The following ATP5F1A variants were observed in gnomAD, a reference collection of about 807,000 sequenced individuals.
The protein encoded by ATP5F1A is ATP synthase F1 subunit alpha.
ATP5F1A carries 24 observed loss-of-function variants against 57.4 expected under a neutral mutation model. The ratio of observed to expected loss-of-function variants is 0.42; its 90% CI spans 0.30 to 0.59. ATP5F1A has a LOEUF of 0.59. Among genes scored for constraint, ATP5F1A ranks in the 20% least tolerant of loss-of-function variants. The pLI is 0.19. For synonymous variants in ATP5F1A, 251 were observed against 255.5 expected (o/e 0.98, Z 0.17); for missense variants, 494 against 707.9 (o/e 0.70, Z 3.43).
Position 46,083,513 on chromosome 18 carries a change from C to G in ATP5F1A, c.*769G>C, listed in dbSNP as rs1856525197. 6.6e-6 allele frequency: 1 copy of G among 152,180 alleles called. No homozygotes were observed. The highest frequency in any genetic ancestry group is 1.5e-5 in the Non-Finnish European group (1 of 68,050). The allele number at this position is 152,180 out of a possible 1,614,324, so 9.4% of individuals were successfully genotyped here. ...TCTATCTTCTCAGCTTTTGTTCCAGCAATTTTTTCATTTCCCTGAGAATTT... is the reference window on the plus strand; with the variant it reads ...TCTATCTTCTCAGCTTTTGTTCCAGGAATTTTTTCATTTCCCTGAGAATTT... On this transcript the variant is annotated 3_prime_UTR_variant, in exon 12 of 12. Transcript: ENST00000398752.
rs760834242 is a variant in ATP5F1A, at chr18:46,086,194, C to T, written c.1348G>A (p.Gly450Ser). ...YREVAAFAQFGSDLDAATQQL... is the reference protein window; with the variant it reads ...YREVAAFAQFSSDLDAATQQL... ...TGAGTGGCAGCATCGAGGTCAGAAC[C>T]GAACTGGGCAAAAGCAGCAACCTCA... The change falls in exon 10 of 12, where the codon GGT (glycine) becomes AGT (serine). Residue 450 changes from glycine (G) to serine (S), a missense_variant. Transcript: ENST00000398752. 5 of 1,612,690 alleles carry T rather than the reference C, an allele frequency of 3.1e-6. No individual in the cohort carries two copies. Among genetic ancestry groups the T allele is most frequent in the African/African-American group, 1.3e-5 (1 of 74,954 alleles).
At chr18:46,086,981 C>T in intron 8 of ATP5F1A, 27 bp downstream of exon 8, 2 of 1,604,000 alleles carry the variant, frequency 1.2e-6, no homozygotes, top group Non-Finnish European at 1.7e-6. Context: ...TCTTTTTTAA[C>T]ATTTCTTTTA....
rs776215108 is a variant in ATP5F1A, at chr18:46,091,774, G to A, written c.217C>T (p.Arg73Cys). ...ATACCATCACCAATACTTAAGACAC[G>A]CCCAGTTTCTTCAAGATCAACAGAG... The part of the protein sequence containing the change: ...DTSVDLEETG[R>C]VLSIGDGIAR... The change falls in exon 3 of 12, where the codon CGT becomes TGT. Residue 73 changes from arginine to cysteine, a missense_variant. Around this residue, in one of 6 missense-constraint regions of ATP5F1A, gnomAD observed 142 missense variants for 137.5 expected, o/e 1.03. Transcript: ENST00000398752. The A allele has an allele frequency of 1.9e-5, 30 of 1,613,550 alleles. No individual in the cohort carries two copies. The highest frequency in any genetic ancestry group is 6.7e-5 in the African/African-American group (5 of 74,788).
At chr18:46,086,331 C>T (rs1910094395) in intron 9 of ATP5F1A, 56 bp downstream of exon 9, 3 of 812,158 alleles carry the variant, frequency 3.7e-6, no homozygotes. Flanking sequence ...TATATTAATA[C>T]CTTAAGATGC....
chr18:46,087,183 C>T lies in ATP5F1A; in HGVS notation c.1001G>A (p.Arg334His), dbSNP rs1910165871. 4 of 1,614,196 alleles carry T rather than the reference C, an allele frequency of 2.5e-6. No individual in the cohort carries two copies. The highest frequency in any genetic ancestry group is 3.4e-6 in the Non-Finnish European group (4 of 1,180,036). The part of the protein sequence containing the change: ...MSLLLRRPPG[R>H]EAYPGDVFYL... The stretch of plus-strand genomic sequence containing the variant: ...GAACACATCACCAGGATAGGCCTCA[C>T]GACCAGGGGGTCGGCGGAGCAACAG... The change falls in exon 8 of 12, where the codon CGT becomes CAT. Residue 334 changes from arginine to histidine, a missense_variant. This residue lies in a region of ATP5F1A where 15 missense variants were observed against 49.5 expected (regional missense o/e 0.30). Transcript: ENST00000398752.
chr18:46,087,326 T>C lies in ATP5F1A; in HGVS notation c.951+15A>G, dbSNP rs749291093. The C allele has an allele frequency of 1.1e-5, 17 of 1,612,540 alleles. 1 individual carries two copies. The South Asian group carries it at 1.9e-4, about 18-fold the overall frequency. ...AGTACAAATAAATGGATTCTAAAAA[T>C]TTATTTCCTTTGACCTGTTTGGATA... On this transcript the variant is annotated intron_variant, in intron 7 of 11. Coordinates refer to ENST00000398752, the MANE Select transcript of ATP5F1A (RefSeq NM_004046.6).
At chr18:46,101,737 C>T (rs1911278947), upstream of ATP5F1A, among the ~76,000 whole-genome samples, 1 of 151,594 alleles carries the variant, frequency 6.6e-6, no homozygotes, top group African/African-American at 2.4e-5. Flanking sequence ...ACCCCCTGCC[C>T]CATCTTTAGC....
upstream of ATP5F1A, among the ~76,000 whole-genome samples, chr18:46,103,123 G>GA (rs1911328114): frequency 6.6e-6 from 1 of 151,860 alleles, no homozygotes; most frequent in South Asian, 2.1e-4. Flanking sequence ...TCAACGTGGT[G>GA]AAACCCCCCG....
chr18:46,085,306 TA>T (rs570529381), intron 10 of ATP5F1A: 5,652 of 106,492 alleles, frequency 0.053, 306 homozygotes, highest in African/African-American at 0.15. Flanking sequence ...GACTCTGTAT[TA>T]AAAAAAAAAA....
upstream of ATP5F1A, among the ~76,000 whole-genome samples, chr18:46,100,109 G>A (rs1402109375): frequency 3.3e-5 from 5 of 151,950 alleles, no homozygotes; most frequent in South Asian, 2.1e-4. Context: ...AAATTAGCCC[G>A]GCATGGGGGC....
rs1909920536 is a variant in ATP5F1A at position 46,084,215 on chromosome 18, C to A, written c.*67G>T. ...AAGGAGTATGAGAGTAACCCTTTTA[C>A]AAATGGAACTAATTTACTAGAACAA... On this transcript the variant is annotated 3_prime_UTR_variant, in exon 12 of 12. Coordinates refer to ENST00000398752, the MANE Select transcript of ATP5F1A (RefSeq NM_004046.6). The A allele has an allele frequency of 2.9e-6, 4 of 1,399,494 alleles. No homozygotes were observed. The highest frequency in any genetic ancestry group is 3.8e-5 in the Admixed American group (2 of 52,508). The allele number at this position is 1,399,494 out of a possible 1,614,324, so 86.7% of individuals were successfully genotyped here.
intron 4 of ATP5F1A, 25 bp downstream of exon 4, chr18:46,089,798 T>C: frequency 1.2e-6 from 2 of 1,609,848 alleles, no homozygotes; most frequent in Non-Finnish European, 1.7e-6. Context: ...AAGCTGCAAC[T>C]ATATCTAACG....
In ATP5F1A at chr18:46,083,522, C is replaced by T. The variant is rs1018279745; in HGVS notation, c.*760G>A. On this transcript the variant is annotated 3_prime_UTR_variant, in exon 12 of 12. Transcript: ENST00000398752. ...TCAGCTTTTGTTCCAGCAATTTTTTCATTTCCCTGAGAATTTTAACTGTCC... is the reference window on the plus strand; with the variant it reads ...TCAGCTTTTGTTCCAGCAATTTTTTTATTTCCCTGAGAATTTTAACTGTCC... 2 of 152,194 alleles carry T rather than the reference C, an allele frequency of 1.3e-5. No individual in the cohort carries two copies. The highest frequency in any genetic ancestry group is 2.4e-5 in the African/African-American group (1 of 41,434). The allele number at this position is 152,194 out of a possible 1,614,324, so 9.4% of individuals were successfully genotyped here.
rs530295169 is a variant in ATP5F1A at position 46,090,515 on chromosome 18, A to G, written c.310-519T>C. ...TGTAACCAATCAAATACAAATTTTC[A>G]TAACATAACAGCACCAAATCATCTC... On this transcript the variant is annotated intron_variant, in intron 3 of 11. Coordinates refer to ENST00000398752, the MANE Select transcript of ATP5F1A (RefSeq NM_004046.6). Among the ~76,000 whole-genome samples, 563 of 152,364 alleles carry G rather than the reference A, an allele frequency of 3.7e-3. 5 individuals are homozygous for G. The highest frequency in any genetic ancestry group is 0.012 in the African/African-American group (516 of 41,590).
At position 46,081,264 on chromosome 18, in the gene ATP5F1A, A is replaced by C. The variant is rs1454465270; in HGVS notation, c.*3018T>G. On this transcript the variant is annotated 3_prime_UTR_variant, in exon 12 of 12. Coordinates refer to ENST00000398752, the MANE Select transcript of ATP5F1A (RefSeq NM_004046.6). ...AGCATTTACGTGCCAGGAGTGGGCT[A>C]CGAGATCCAGTCAACAAACAAACAA... 1 of 151,274 alleles carries C rather than the reference A, an allele frequency of 6.6e-6. No individual in the cohort carries two copies. Among genetic ancestry groups the C allele is most frequent in the African/African-American group, 2.4e-5 (1 of 41,080 alleles). 9.4% of individuals were successfully genotyped at this position (151,274 alleles called of 1,614,324 possible).
chr18:46,089,964 A>G lies in ATP5F1A; in HGVS notation c.342T>C (p.Val114=). The G allele has an allele frequency of 6.2e-7, 1 of 1,608,356 alleles. No homozygotes were observed. Among genetic ancestry groups the G allele is most frequent in the Non-Finnish European group, 8.5e-7 (1 of 1,177,906 alleles). Residue 114 remains valine, a synonymous_variant, in exon 4 of 12, where the codon GTT becomes GTC. Coordinates refer to ENST00000398752, the MANE Select transcript of ATP5F1A (RefSeq NM_004046.6). ...TATCATTTCCAAACACGACAACACCAACATTGTCAGGTTCCAAGTTCAAGG... is the reference window on the plus strand; with the variant it reads ...TATCATTTCCAAACACGACAACACCGACATTGTCAGGTTCCAAGTTCAAGG... ...GMSLNLEPDN[V]GVVVFGNDKL...
intron 3 of ATP5F1A, among the ~76,000 whole-genome samples, chr18:46,090,828 AACAGC>A (rs753201731): frequency 2.2e-4 from 33 of 152,210 alleles, no homozygotes; most frequent in Non-Finnish European, 4.6e-4. Context: ...TACCATATTA[AACAGC>A]ACAGATGTAT....
intron 10 of ATP5F1A, chr18:46,085,291 A>G (rs546098067): frequency 7.1e-6 from 1 of 139,966 alleles, no homozygotes; most frequent in South Asian, 2.3e-4. Flanking sequence ...TGGGTGACAG[A>G]AGGAGACTCT....
chr18:46,094,494 T>C (rs777633893), intron 2 of ATP5F1A, among the ~76,000 whole-genome samples: 9 of 152,034 alleles, frequency 5.9e-5, no homozygotes, highest in Admixed American at 2.6e-4. Context: ...TGGTGAAACC[T>C]TGTCTCTACT....
Sources: allele counts gnomAD v4.1 joint callset (sites outside exome capture counted in the v4.1 genomes callset), GRCh38; gene constraint gnomAD v4.1.1; regional missense constraint gnomAD v4.1.1; transcripts MANE v1.5; gene names NCBI Gene and HGNC (gene_info 2026-07-23, HGNC 2026-07-21).